The following HTR7 variants were observed in gnomAD, a reference collection of about 807,000 sequenced individuals.
HTR7 encodes 5-hydroxytryptamine receptor 7.
In HTR7, 16 loss-of-function variants were observed where a neutral mutation model predicts 34.0. The ratio of observed to expected loss-of-function variants is 0.47; its 90% CI spans 0.32 to 0.71. The LOEUF (loss-of-function observed/expected upper bound fraction) is 0.71. HTR7 is among the 30% of genes least tolerant of loss of function. HTR7 has a pLI of 0.04. For missense variants in HTR7, 504 were observed against 625.5 expected (o/e 0.81, Z 2.07); for synonymous variants, 265 against 260.2 (o/e 1.02, Z -0.18).
chr10:90,807,020 T>C (rs1282200763), intron 1 of HTR7, among the ~76,000 whole-genome samples: 3 of 152,204 alleles, frequency 2.0e-5, no homozygotes, highest in Non-Finnish European at 4.4e-5. Context: ...AAAGGAACTG[T>C]TCCATTTTGC....
chr10:90,824,776 G>A (rs1194689079), intron 1 of HTR7, among the ~76,000 whole-genome samples: 2 of 152,224 alleles, frequency 1.3e-5, no homozygotes, highest in African/African-American at 4.8e-5. Context: ...TATGGGGAGA[G>A]ACCCCTCTTC....
chr10:90,774,962 T>C (rs1845182601), intron 1 of HTR7, among the ~76,000 whole-genome samples: 1 of 152,204 alleles, frequency 6.6e-6, no homozygotes, highest in Admixed American at 6.5e-5. Flanking sequence ...AGTGGTTTAG[T>C]GAAACATGAC....
chr10:90,753,623 A>C (rs1256360741), intron 1 of HTR7, among the ~76,000 whole-genome samples: 1 of 152,156 alleles, frequency 6.6e-6, no homozygotes, highest in African/African-American at 2.4e-5. Flanking sequence ...ATTTTGTCTT[A>C]AGAAGATAAT....
At position 90,750,515 on chromosome 10, in the gene HTR7, T is replaced by C. The variant is rs568459027; in HGVS notation, c.540-921A>G. 2.6e-5 allele frequency among the ~76,000 whole-genome samples: 4 copies of C among 152,278 alleles called. No individual in the cohort carries two copies. In the South Asian group the frequency reaches 8.3e-4, roughly 32 times the overall value. On this transcript the variant is annotated intron_variant, in intron 1 of 3. Coordinates refer to ENST00000336152, the MANE Select transcript of HTR7 (RefSeq NM_019859.4). ...GTGTTTTCCTCATATTTAATAGTCG[T>C]AGAGTCTTTTTTGGAAAGCTAGGAG...
chr10:90,792,110 G>T (rs975496020), intron 1 of HTR7, among the ~76,000 whole-genome samples: 5 of 152,024 alleles, frequency 3.3e-5, no homozygotes, highest in African/African-American at 1.2e-4. Context: ...TTTAAAAACT[G>T]TTCACACAAG....
intron 2 of HTR7, among the ~76,000 whole-genome samples, chr10:90,745,785 C>T (rs12220866): frequency 0.06 from 9,115 of 152,200 alleles, 354 homozygotes; most frequent in East Asian, 0.15. Context: ...GTACACGGGC[C>T]TATCTGTTTA....
chr10:90,801,733 A>G (rs1263838383), intron 1 of HTR7, among the ~76,000 whole-genome samples: 6 of 152,218 alleles, frequency 3.9e-5, no homozygotes, highest in African/African-American at 9.6e-5. Flanking sequence ...AGAACTCAGG[A>G]AACTTACAAG....
chr10:90,852,187 T>C (rs1266805927), intron 1 of HTR7, among the ~76,000 whole-genome samples: 1 of 142,796 alleles, frequency 7.0e-6, no homozygotes, highest in Non-Finnish European at 1.5e-5. Flanking sequence ...AGCGAGACTG[T>C]CTCTTTATGT....
chr10:90,857,735 C>T lies in HTR7; in HGVS notation c.-64G>A. ...CGGCCACGCGCCTCCGGCTGCCGGCCCCGGGGCTTCACCTCACCGGTTCCG... is the reference window on the plus strand; with the variant it reads ...CGGCCACGCGCCTCCGGCTGCCGGCTCCGGGGCTTCACCTCACCGGTTCCG... On this transcript the variant is annotated 5_prime_UTR_variant, in exon 1 of 4. Coordinates refer to ENST00000336152, the MANE Select transcript of HTR7 (RefSeq NM_019859.4). The surrounding 1 kb of genome is among the most constrained non-coding windows in gnomAD (Gnocchi z 6.5). 1.4e-6 allele frequency: 2 copies of T among 1,393,440 alleles called. No homozygotes were observed. Among genetic ancestry groups the T allele is most frequent in the African/African-American group, 1.5e-5 (1 of 65,628 alleles). The allele number at this position is 1,393,440 out of a possible 1,614,324, so 86.3% of individuals were successfully genotyped here.
At position 90,840,177 on chromosome 10, in the gene HTR7, T is replaced by TCTCACACACA. The variant is rs1478516123; in HGVS notation, c.539+16955_539+16956insTGTGTGTGAG. On this transcript the variant is annotated intron_variant, in intron 1 of 3. Transcript: ENST00000336152. ...CTCCATCTGTTTCTCTCTCTCTCTC[T>TCTCACACACA]CACACACACACACACACACACACAC... Among the ~76,000 whole-genome samples, 717 of 136,846 alleles carry TCTCACACACA rather than the reference T, an allele frequency of 5.2e-3. 3 individuals are homozygous for TCTCACACACA. Among genetic ancestry groups the TCTCACACACA allele is most frequent in the East Asian group, 0.016 (73 of 4,670 alleles). 89.8% of individuals were successfully genotyped at this position (136,846 alleles called of 152,430 possible). A position where few individuals can be genotyped will look rare whatever the true frequency, so the allele number is the denominator to read the frequency against.
chr10:90,852,215 G>A (rs1281903054), intron 1 of HTR7, among the ~76,000 whole-genome samples: 8 of 118,816 alleles, frequency 6.7e-5, no homozygotes, highest in East Asian at 2.7e-4. Flanking sequence ...AAAAAAAAAA[G>A]TTTTTAATTT....
Position 90,750,851 on chromosome 10 carries a change from C to T in HTR7, c.540-1257G>A, listed in dbSNP as rs34399880. Among the ~76,000 whole-genome samples the T allele has an allele frequency of 3.4e-3, 521 of 152,234 alleles. 1 individual carries two copies. The highest frequency in any genetic ancestry group is 4.3e-3 in the Non-Finnish European group (291 of 68,014). ...TGAAATATAGTAAAAAATAATGAGC[C>T]AGATGTTCTTACTTCTCTAGAATTC... On this transcript the variant is annotated intron_variant, in intron 1 of 3. Transcript: ENST00000336152.
At chr10:90,829,599 A>G (rs1435641383) in intron 1 of HTR7, among the ~76,000 whole-genome samples, 1 of 152,160 alleles carries the variant, frequency 6.6e-6, no homozygotes, top group Admixed American at 6.5e-5. Flanking sequence ...CTGTTATTCA[A>G]CACAGTACTG....
intron 1 of HTR7, among the ~76,000 whole-genome samples, chr10:90,831,629 A>T (rs113057828): frequency 1.7e-3 from 255 of 152,252 alleles, no homozygotes; most frequent in African/African-American, 5.7e-3. Context: ...GGCTCCACCC[A>T]CAACCTGCGG....
In HTR7 at chr10:90,857,291, G is replaced by A. The variant is rs1228964813; in HGVS notation, c.381C>T (p.Asp127=). 3.7e-6 allele frequency: 6 copies of A among 1,614,166 alleles called. No homozygotes were observed. Among genetic ancestry groups the A allele is most frequent in the Non-Finnish European group, 5.1e-6 (6 of 1,180,038 alleles). The change falls in exon 1 of 4, where the codon GAC becomes GAT. Residue 127 remains aspartate, a synonymous_variant. Transcript: ENST00000336152. This position sits in a 1 kb window ranked among gnomAD's most constrained non-coding sequence, Gnocchi z 6.5. ...NYLIVSLALA[D]LSVAVAVMPF... is the part of the protein sequence containing the mutation. ...GCATGACCGCCACAGCCACCGAGAG[G>A]TCGGCCAGCGCCAGGGACACGATCA...
intron 1 of HTR7, among the ~76,000 whole-genome samples, chr10:90,757,253 T>C (rs1015931996): frequency 1.3e-5 from 2 of 152,072 alleles, no homozygotes; most frequent in East Asian, 1.9e-4. Context: ...AAATTCCAAA[T>C]AACACCTTCA....
chr10:90,818,986 GAA>G (rs1417264908), intron 1 of HTR7, among the ~76,000 whole-genome samples: 1 of 152,102 alleles, frequency 6.6e-6, no homozygotes, highest in Non-Finnish European at 1.5e-5. Flanking sequence ...TACCATGATT[GAA>G]AGTTTCCTGA....
At chr10:90,849,761 T>C (rs1190980171) in intron 1 of HTR7, among the ~76,000 whole-genome samples, 2 of 152,206 alleles carry the variant, frequency 1.3e-5, no homozygotes, top group African/African-American at 2.4e-5. Context: ...TGGGGTTGTT[T>C]GATACTTCAG....
At chr10:90,753,676 C>T (rs61327584) in intron 1 of HTR7, among the ~76,000 whole-genome samples, 5,388 of 151,682 alleles carry the variant, frequency 0.036, 290 homozygotes, top group African/African-American at 0.11. Context: ...TGTTACTAAA[C>T]ACATAATAGA....
Sources: allele counts gnomAD v4.1 joint callset (sites outside exome capture counted in the v4.1 genomes callset), GRCh38; gene constraint gnomAD v4.1.1; non-coding constraint Gnocchi (gnomAD v3.1); transcripts MANE v1.5; gene names NCBI Gene and HGNC (gene_info 2026-07-23, HGNC 2026-07-21).